The following FBXO11 variants were observed in gnomAD, a reference collection of about 807,000 sequenced individuals.
FBXO11 encodes F-box only protein 11.
In FBXO11, 13 loss-of-function variants were observed where a neutral mutation model predicts 117.0. The ratio of observed to expected loss-of-function variants is 0.11; its 90% CI spans 0.07 to 0.18. The LOEUF (loss-of-function observed/expected upper bound fraction) is 0.18. Ranked by LOEUF, FBXO11 falls within the 10% of genes least tolerant of loss-of-function variation. The pLI, the probability that FBXO11 is intolerant of heterozygous loss-of-function variation, is 1.00. For missense variants in FBXO11, 767 were observed against 1,164.4 expected (o/e 0.66, Z 4.97); for synonymous variants, 490 against 380.5 (o/e 1.29, Z -3.35).
intron 1 of FBXO11, among the ~76,000 whole-genome samples, chr2:47,901,397 T>A (rs1054198178): frequency 1.3e-5 from 2 of 151,652 alleles, no homozygotes; most frequent in Non-Finnish European, 2.9e-5. Flanking sequence ...AGAAAAAAAA[T>A]ACATCTATTT....
chr2:47,853,348 G>A (rs1021228248), intron 1 of FBXO11, among the ~76,000 whole-genome samples: 6 of 152,056 alleles, frequency 3.9e-5, no homozygotes, highest in African/African-American at 1.5e-4. Flanking sequence ...GAGATTACAG[G>A]CATGAGCCAC....
intron 16 of FBXO11, among the ~76,000 whole-genome samples, chr2:47,814,721 A>G (rs571861323): frequency 1.3e-5 from 2 of 152,300 alleles, no homozygotes; most frequent in South Asian, 4.1e-4. Flanking sequence ...TTTGCCACAT[A>G]GACTGACTCT....
chr2:47,835,056 C>A (rs1672447217), intron 5 of FBXO11, among the ~76,000 whole-genome samples, 185 bp from the exon 6 acceptor site: 1 of 152,132 alleles, frequency 6.6e-6, no homozygotes. Flanking sequence ...TATCCAGAAA[C>A]AAAGAACAGG....
At chr2:47,854,246 G>A (rs1161199620) in intron 1 of FBXO11, among the ~76,000 whole-genome samples, 1 of 150,698 alleles carries the variant, frequency 6.6e-6, no homozygotes, top group African/African-American at 2.4e-5. Flanking sequence ...CACCCAGGCT[G>A]TCCCCAGGAC....
chr2:47,886,176 A>T (rs1021214768), intron 1 of FBXO11, among the ~76,000 whole-genome samples: 1 of 152,178 alleles, frequency 6.6e-6, no homozygotes, highest in African/African-American at 2.4e-5. Context: ...AAAGCTTAAA[A>T]ACAGAAAAAC....
intron 18 of FBXO11, chr2:47,812,833 A>C (rs1670720722): frequency 4.1e-6 from 1 of 246,048 alleles, no homozygotes. Context: ...TCTCCAACAA[A>C]CACAGTTGAA....
At chr2:47,882,107 A>AT (rs1365302477) in intron 1 of FBXO11, among the ~76,000 whole-genome samples, 1 of 152,118 alleles carries the variant, frequency 6.6e-6, no homozygotes, top group Non-Finnish European at 1.5e-5. Context: ...TCATTTCCCC[A>AT]TGTCTATCAG....
Position 47,808,309 on chromosome 2 carries a change from C to T in FBXO11, c.2654+20G>A. 6.2e-7 allele frequency: 1 copy of T among 1,612,118 alleles called. No homozygotes were observed. Among genetic ancestry groups the T allele is most frequent in the Non-Finnish European group, 8.5e-7 (1 of 1,179,244 alleles). ...GGGGGAAAGTAATTGGGTAATATAT[C>T]AAGCAAGTGTGCTACATACCTATCA... On this transcript the variant is annotated intron_variant, in intron 22 of 22. Coordinates refer to ENST00000403359, the MANE Select transcript of FBXO11 (RefSeq NM_001190274.2).
chr2:47,861,493 A>T (rs566152244), intron 1 of FBXO11, among the ~76,000 whole-genome samples: 1 of 151,952 alleles, frequency 6.6e-6, no homozygotes, highest in Non-Finnish European at 1.5e-5. Flanking sequence ...TAATTAAAAA[A>T]ATTTTTTTTG....
At chr2:47,857,030 T>C (rs1262247233) in intron 1 of FBXO11, among the ~76,000 whole-genome samples, 2 of 152,224 alleles carry the variant, frequency 1.3e-5, no homozygotes, top group Non-Finnish European at 2.9e-5. Context: ...GGATAAACTC[T>C]GAGCAGCCAA....
rs911565965 is a variant in FBXO11 at position 47,906,487 on chromosome 2, C to T, written c.-767G>A. 6.6e-6 allele frequency among the ~76,000 whole-genome samples: 1 copy of T among 151,626 alleles called. No individual in the cohort carries two copies. On this transcript the variant is annotated 5_prime_UTR_variant, in exon 1 of 23. Coordinates refer to ENST00000403359, the MANE Select transcript of FBXO11 (RefSeq NM_001190274.2). ...GAGGAGCCATTGACACCGCCGGAGC[C>T]TCCACTCGCCCAGTCGGTCCCTCCC...
intron 1 of FBXO11, among the ~76,000 whole-genome samples, chr2:47,847,218 C>G (rs1673486515): frequency 6.6e-6 from 1 of 152,142 alleles, no homozygotes; most frequent in African/African-American, 2.4e-5. Flanking sequence ...GCACTCCAGC[C>G]TGAGTGACAG....
chr2:47,859,206 T>C (rs1430504397), intron 1 of FBXO11, among the ~76,000 whole-genome samples: 1 of 152,154 alleles, frequency 6.6e-6, no homozygotes, highest in Non-Finnish European at 1.5e-5. Flanking sequence ...ATTTCCTTTC[T>C]TGATTCTAGG....
chr2:47,830,530 A>G (rs1303809944), intron 11 of FBXO11, among the ~76,000 whole-genome samples: 6 of 152,234 alleles, frequency 3.9e-5, no homozygotes, highest in African/African-American at 2.4e-5. Flanking sequence ...AGGAATGCAA[A>G]TATTTTAAAC....
Position 47,820,428 on chromosome 2 carries a change from C to T in FBXO11, c.1731G>A (p.Arg577=). ...YGNALAGIQI[R]TNSCPIVRHN... ...GCCGAACAATTGGACAACTGTTTGT[C>T]CTAATTTGAATTCCTGCTAATGCAT... is the stretch of plus-strand genomic sequence containing the variant. The change falls in exon 14 of 23, where the codon AGG becomes AGA. Residue 577 remains arginine (R), a synonymous_variant. Transcript: ENST00000403359. The T allele has an allele frequency of 6.2e-7, 1 of 1,613,720 alleles. No individual in the cohort carries two copies. Among genetic ancestry groups the T allele is most frequent in the Non-Finnish European group, 8.5e-7 (1 of 1,179,908 alleles).
chr2:47,884,046 C>G (rs572417141), intron 1 of FBXO11: 2 of 152,242 alleles, frequency 1.3e-5, no homozygotes, highest in Non-Finnish European at 2.9e-5. Context: ...GTGGTGAAAC[C>G]CCATCTCTAC....
chr2:47,814,099 T>A, intron 16 of FBXO11: 1 of 419,692 alleles, frequency 2.4e-6, no homozygotes, highest in Non-Finnish European at 4.4e-6. Flanking sequence ...ACATGTAAAC[T>A]AAATGGGGTT....
chr2:47,871,004 C>T (rs1675584626), intron 1 of FBXO11, among the ~76,000 whole-genome samples: 1 of 152,210 alleles, frequency 6.6e-6, no homozygotes, highest in Admixed American at 6.5e-5. Context: ...TTGGCATTAT[C>T]CTCCGCAGGG....
At chr2:47,809,936 G>C (rs1670500094) in intron 19 of FBXO11, 2 of 517,166 alleles carry the variant, frequency 3.9e-6, no homozygotes, top group African/African-American at 2.0e-5. Context: ...CTGTCTTAAA[G>C]TTTAAATACA....
Sources: allele counts gnomAD v4.1 joint callset (sites outside exome capture counted in the v4.1 genomes callset), GRCh38; gene constraint gnomAD v4.1.1; transcripts MANE v1.5; gene names NCBI Gene and HGNC (gene_info 2026-07-23, HGNC 2026-07-21).